The following SLC4A3 variants were observed in gnomAD, a reference collection of about 807,000 sequenced individuals.
SLC4A3 encodes the protein solute carrier family 4 member 3.
In SLC4A3, 47 loss-of-function variants were observed where a neutral mutation model predicts 114.2. That is an observed-to-expected ratio of 0.41 (90% CI 0.33 to 0.52). The LOEUF is 0.52. Among genes scored for constraint, SLC4A3 ranks in the 20% least tolerant of loss-of-function variants. The pLI, the probability that SLC4A3 is intolerant of heterozygous loss-of-function variation, is 0.21. For synonymous variants in SLC4A3, 693 were observed against 710.3 expected, an observed-to-expected ratio of 0.98 and a Z score of 0.39; for missense variants, 1,312 against 1,668.3, an observed-to-expected ratio of 0.79 and a Z score of 3.72.
rs960356393 is a variant in SLC4A3 at position 219,639,991 on chromosome 2, G to A, written c.3277+256G>A. Reference sequence around the variant, plus strand: ...GTCACCCAGGCTGGAGTGCAGTGGCGCGATCTCGGCTCACTGCAAGCTCCG... The same window carrying A: ...GTCACCCAGGCTGGAGTGCAGTGGCACGATCTCGGCTCACTGCAAGCTCCG... On this transcript the variant is annotated intron_variant, in intron 20 of 22. Transcript: ENST00000358055. The surrounding 1 kb of genome is among the most constrained non-coding windows in gnomAD (Gnocchi z 5.9). 3.3e-5 allele frequency among the ~76,000 whole-genome samples: 5 copies of A among 152,084 alleles called. No individual in the cohort carries two copies. Among genetic ancestry groups the A allele is most frequent in the East Asian group, 1.9e-4 (1 of 5,160 alleles).
At chr2:219,632,202 C>T (rs543205826) in intron 7 of SLC4A3, 60 bp from the exon 8 acceptor site, 2 of 1,610,754 alleles carry the variant, frequency 1.2e-6, no homozygotes, top group East Asian at 2.2e-5. Flanking sequence ...TGCCTTGCCC[C>T]ATCACGGTGT....
At position 219,633,999 on chromosome 2, in the gene SLC4A3, G is replaced by T. The variant is rs767165202; in HGVS notation, c.1561+20G>T. 1 of 1,533,224 alleles carries T rather than the reference G, an allele frequency of 6.5e-7. No individual in the cohort carries two copies. The highest frequency in any genetic ancestry group is 8.8e-7 in the Non-Finnish European group (1 of 1,137,848). 95.0% of individuals were successfully genotyped at this position (1,533,224 alleles called of 1,614,324 possible). ...TTGTGGGTGAGGAGGGCCGGGCGCC[G>T]GGGGCAGGGTCTGCAGTGTGTGTGT... On this transcript the variant is annotated intron_variant, in intron 11 of 22. Coordinates refer to ENST00000358055, the MANE Select transcript of SLC4A3 (RefSeq NM_005070.4).
In SLC4A3 at chr2:219,639,734, G is replaced by A. The variant is rs1699253022; in HGVS notation, c.3276G>A (p.Val1092=). The change falls in exon 20 of 23, where the codon GTG becomes GTA. Residue 1092 remains valine (V), a splice_region_variant and synonymous_variant. Coordinates refer to ENST00000358055, the MANE Select transcript of SLC4A3 (RefSeq NM_005070.4). The surrounding 1 kb of genome is among the most constrained non-coding windows in gnomAD (Gnocchi z 5.9). ...RVTGVLIASL[V]GLSIVMGAVL... is the part of the protein sequence containing the mutation. ...CTGGTGTGCTCATCGCCAGCCTCGT[G>A]GGTGAGAGCCCGCCTCCACCCTGCA... 1 of 1,604,582 alleles carries A rather than the reference G, an allele frequency of 6.2e-7. No homozygotes were observed. The highest frequency in any genetic ancestry group is 8.5e-7 in the Non-Finnish European group (1 of 1,178,884).
Position 219,628,338 on chromosome 2 carries a change from G to A in SLC4A3, c.52-67G>A, listed in dbSNP as rs1698792854. 6.9e-7 allele frequency: 1 copy of A among 1,451,376 alleles called. No individual in the cohort carries two copies. The highest frequency in any genetic ancestry group is 2.6e-5 in the Admixed American group (1 of 39,050). The allele number at this position is 1,451,376 out of a possible 1,614,324, so 89.9% of individuals were successfully genotyped here. On this transcript the variant is annotated intron_variant, in intron 2 of 22. Coordinates refer to ENST00000358055, the MANE Select transcript of SLC4A3 (RefSeq NM_005070.4). The surrounding 1 kb of genome is among the most constrained non-coding windows in gnomAD (Gnocchi z 4.8). ...TGCTGAGCTCCCCCAACTAGGGCTTGGAGTTGGGGTGGGTGTGGGGCCTTC... is the reference window on the plus strand; with the variant it reads ...TGCTGAGCTCCCCCAACTAGGGCTTAGAGTTGGGGTGGGTGTGGGGCCTTC...
At position 219,630,087 on chromosome 2, in the gene SLC4A3, G is replaced by A. The variant is rs1336012048; in HGVS notation, c.612-66G>A. On this transcript the variant is annotated intron_variant, in intron 5 of 22. Transcript: ENST00000358055. The surrounding 1 kb of genome is among the most constrained non-coding windows in gnomAD (Gnocchi z 6.9). ...TCTACTCCAGGCCGTGCTCTGAGCT[G>A]AGGGACGGTGATGGAACCACCGACC... 2 of 1,590,310 alleles carry A rather than the reference G, an allele frequency of 1.3e-6. No homozygotes were observed. Among genetic ancestry groups the A allele is most frequent in the African/African-American group, 1.3e-5 (1 of 74,486 alleles).
At position 219,637,622 on chromosome 2, in the gene SLC4A3, G is replaced by A; in HGVS notation, c.2577G>A (p.Glu859=). The A allele has an allele frequency of 6.2e-7, 1 of 1,611,554 alleles. No homozygotes were observed. The highest frequency in any genetic ancestry group is 8.5e-7 in the Non-Finnish European group (1 of 1,178,180). The change falls in exon 17 of 23, where the codon GAG becomes GAA. Residue 859 remains glutamate (E), a synonymous_variant. Transcript: ENST00000358055. The surrounding 1 kb of genome is among the most constrained non-coding windows in gnomAD (Gnocchi z 4.6). Reference sequence around the variant, plus strand: ...CACTGCTGCCGTTCTACCCCCCTGAGGGGGCCCTGGAGGGGTCCCTGGATG... The same window carrying A: ...CACTGCTGCCGTTCTACCCCCCTGAAGGGGCCCTGGAGGGGTCCCTGGATG... The part of the protein sequence containing the change: ...EHPLLPFYPP[E]GALEGSLDAG...
In SLC4A3 at chr2:219,629,393, C is replaced by T. The variant is rs1404059150; in HGVS notation, c.467C>T (p.Pro156Leu). 11 of 1,589,066 alleles carry T rather than the reference C, an allele frequency of 6.9e-6. No homozygotes were observed. The highest frequency in any genetic ancestry group is 9.4e-6 in the Non-Finnish European group (11 of 1,167,618). Residue 156 changes from proline (P) to leucine (L), a missense_variant, in exon 4 of 23, where the codon CCC becomes CTC. Around this residue, in one of 4 missense-constraint regions of SLC4A3, gnomAD observed 236 missense variants for 212.1 expected, o/e 1.11. Transcript: ENST00000358055. ...GESEAEPVEP[P>L]HSGTPQKAKF... ...TCTGAGGCAGAACCTGTGGAGCCCCCCCACTCAGGGACCCCACAGAAGGCA... is the reference window on the plus strand; with the variant it reads ...TCTGAGGCAGAACCTGTGGAGCCCCTCCACTCAGGGACCCCACAGAAGGCA...
Position 219,631,179 on chromosome 2 carries a change from T to G in SLC4A3, c.812-789T>G. 1 of 1,194,418 alleles carries G rather than the reference T, an allele frequency of 8.4e-7. No individual in the cohort carries two copies. The highest frequency in any genetic ancestry group is 1.6e-5 in the South Asian group (1 of 63,166). 74.0% of individuals were successfully genotyped at this position (1,194,418 alleles called of 1,614,324 possible). On this transcript the variant is annotated intron_variant, in intron 6 of 22. Transcript: ENST00000358055. This position sits in a 1 kb window ranked among gnomAD's most constrained non-coding sequence, Gnocchi z 6.3. ...AAGCCACCCCGTCCAGGCTCCCACC[T>G]TGTAGGAGAGCCGAGGGGTCTGGTA...
chr2:219,631,160 C>T lies in SLC4A3; in HGVS notation c.811+808C>T. The T allele has an allele frequency of 8.5e-7, 1 of 1,180,930 alleles. No homozygotes were observed. The allele number at this position is 1,180,930 out of a possible 1,614,324, so 73.2% of individuals were successfully genotyped here. On this transcript the variant is annotated intron_variant, in intron 6 of 22. Coordinates refer to ENST00000358055, the MANE Select transcript of SLC4A3 (RefSeq NM_005070.4). The surrounding 1 kb of genome is among the most constrained non-coding windows in gnomAD (Gnocchi z 6.3). ...TTCAGCTCTGGTTGGACAGAAGCCACCCCGTCCAGGCTCCCACCTTGTAGG... is the reference window on the plus strand; with the variant it reads ...TTCAGCTCTGGTTGGACAGAAGCCATCCCGTCCAGGCTCCCACCTTGTAGG...
chr2:219,632,813 GGGA>G, intron 8 of SLC4A3, 58 bp from the exon 9 acceptor site: 1 of 1,599,380 alleles, frequency 6.3e-7, no homozygotes, highest in Non-Finnish European at 8.6e-7. Flanking sequence ...AAGGCAGAGT[GGGA>G]GGAGATTTTT....
At position 219,637,913 on chromosome 2, in the gene SLC4A3, A is replaced by G; in HGVS notation, c.2766+102A>G. 3.1e-6 allele frequency: 3 copies of G among 970,914 alleles called. No homozygotes were observed. The allele number at this position is 970,914 out of a possible 1,614,324, so 60.1% of individuals were successfully genotyped here. The stretch of plus-strand genomic sequence containing the variant: ...CCTTCCCCGGTCAGCCCATGGACCA[A>G]AACCCAGCTCGGGCAGCCCCTCACC... On this transcript the variant is annotated intron_variant, in intron 17 of 22. Coordinates refer to ENST00000358055, the MANE Select transcript of SLC4A3 (RefSeq NM_005070.4). This position sits in a 1 kb window ranked among gnomAD's most constrained non-coding sequence, Gnocchi z 4.6.
Position 219,631,177 on chromosome 2 carries a change from C to G in SLC4A3, c.812-791C>G. 8.4e-7 allele frequency: 1 copy of G among 1,192,688 alleles called. No individual in the cohort carries two copies. Among genetic ancestry groups the G allele is most frequent in the South Asian group, 1.6e-5 (1 of 62,672 alleles). 73.9% of individuals were successfully genotyped at this position (1,192,688 alleles called of 1,614,324 possible). On this transcript the variant is annotated intron_variant, in intron 6 of 22. Transcript: ENST00000358055. The surrounding 1 kb of genome is among the most constrained non-coding windows in gnomAD (Gnocchi z 6.3). ...AGAAGCCACCCCGTCCAGGCTCCCACCTTGTAGGAGAGCCGAGGGGTCTGG... is the reference window on the plus strand; with the variant it reads ...AGAAGCCACCCCGTCCAGGCTCCCAGCTTGTAGGAGAGCCGAGGGGTCTGG...
rs1699004964 is a variant in SLC4A3, at chr2:219,633,361, A to G, written c.1365A>G (p.Pro455=). The G allele has an allele frequency of 1.2e-6, 2 of 1,606,850 alleles. No homozygotes were observed. Among genetic ancestry groups the G allele is most frequent in the Non-Finnish European group, 1.7e-6 (2 of 1,175,332 alleles). Residue 455 remains proline, a synonymous_variant, in exon 10 of 23, where the codon CCA becomes CCG. Transcript: ENST00000358055. Reference sequence around the variant, plus strand: ...ACTCGGTTCTGGGGAATCATCACCCAACTCCCAGCCATGGCCCTGATGGGG... The same window carrying G: ...ACTCGGTTCTGGGGAATCATCACCCGACTCCCAGCCATGGCCCTGATGGGG... The part of the protein sequence containing the change: ...SMNSVLGNHH[P]TPSHGPDGAV...
chr2:219,633,851 C>T (rs1276583508), intron 10 of SLC4A3, 29 bp from the exon 11 acceptor site: 1 of 1,551,738 alleles, frequency 6.4e-7, no homozygotes, highest in Admixed American at 2.0e-5. Context: ...GGTCTGGGTC[C>T]CAGCCCTATT....
rs1574659656 is a variant in SLC4A3, at chr2:219,640,296, T to C, written c.3278-134T>C. On this transcript the variant is annotated intron_variant, in intron 20 of 22. Transcript: ENST00000358055. ...AGTTGATTGGTCCAGTGGGTCCATGTCGCCTCCCCCCAGGCCTCTCCATCC... is the reference window on the plus strand; with the variant it reads ...AGTTGATTGGTCCAGTGGGTCCATGCCGCCTCCCCCCAGGCCTCTCCATCC... 3 of 731,432 alleles carry C rather than the reference T, an allele frequency of 4.1e-6. No homozygotes were observed. The East Asian group carries it at 1.2e-4, about 28-fold the overall frequency. 45.3% of individuals were successfully genotyped at this position (731,432 alleles called of 1,614,324 possible). A position where few individuals can be genotyped will look rare whatever the true frequency, so the allele number is the denominator to read the frequency against.
At position 219,641,565 on chromosome 2, in the gene SLC4A3, AGGGCT is replaced by A; in HGVS notation, c.3622-84_3622-80del. ...GCCCAGGAAAGGTCAGGGAGCAGGG[AGGGCT>A]GCAGGTTGGAGGAGGAGCTGGAGAA... On this transcript the variant is annotated intron_variant, in intron 22 of 22. Coordinates refer to ENST00000358055, the MANE Select transcript of SLC4A3 (RefSeq NM_005070.4). This position sits in a 1 kb window ranked among gnomAD's most constrained non-coding sequence, Gnocchi z 4.0. 9.4e-7 allele frequency: 1 copy of A among 1,060,850 alleles called. No homozygotes were observed. The highest frequency in any genetic ancestry group is 1.5e-6 in the Non-Finnish European group (1 of 686,846). 65.7% of individuals were successfully genotyped at this position (1,060,850 alleles called of 1,614,324 possible).
At chr2:219,634,024 T>C (rs1270771319) in intron 11 of SLC4A3, 45 bp downstream of exon 11, 8 of 1,494,894 alleles carry the variant, frequency 5.4e-6, no homozygotes, top group Non-Finnish European at 7.1e-6. Context: ...AGTGTGTGTG[T>C]GCCTCTCCTG....
In SLC4A3 at chr2:219,629,341, G is replaced by T. The variant is rs749562406; in HGVS notation, c.415G>T (p.Glu139Ter). Residue 139 changes from glutamate (E) to a stop codon, truncating the protein, a stop_gained, in exon 4 of 23, where the codon GAG (glutamate) becomes TAG (stop). Coordinates refer to ENST00000358055, the MANE Select transcript of SLC4A3 (RefSeq NM_005070.4). LOFTEE classifies it high-confidence loss of function. ...EGGAGVDEEE[E>*]EEEEEEGESE... ...GGGAGCTGGAGTGGATGAGGAAGAG[G>T]AGGAAGAGGAGGAAGAGGAAGGAGA... 6.2e-7 allele frequency: 1 copy of T among 1,607,964 alleles called. No individual in the cohort carries two copies. The highest frequency in any genetic ancestry group is 8.5e-7 in the Non-Finnish European group (1 of 1,176,884).
chr2:219,636,859 C>T lies in SLC4A3; in HGVS notation c.2520C>T (p.Phe840=), dbSNP rs1489347430. 6.2e-7 allele frequency: 1 copy of T among 1,613,620 alleles called. No homozygotes were observed. The highest frequency in any genetic ancestry group is 8.5e-7 in the Non-Finnish European group (1 of 1,179,656). Residue 840 remains phenylalanine (F), a synonymous_variant, in exon 16 of 23, where the codon TTC becomes TTT. Transcript: ENST00000358055. The surrounding 1 kb of genome is among the most constrained non-coding windows in gnomAD (Gnocchi z 5.5). ...CACTCATTTTCATCTACGAGACCTT[C>T]TACAAGCTCTACAAGGTGGAGGTCC... is the stretch of plus-strand genomic sequence containing the variant. ...LISLIFIYET[F]YKLYKVFTEH...
Sources: gnomAD v4.1 joint callset for allele counts (sites outside exome capture counted in the v4.1 genomes callset) on GRCh38, gnomAD v4.1.1 for gene constraint, gnomAD v4.1.1 regional missense constraint, Gnocchi (gnomAD v3.1) non-coding constraint, MANE v1.5 for transcripts, NCBI Gene and HGNC (gene_info 2026-07-23, HGNC 2026-07-21) for gene names.